The following ACAD9 variants were observed in gnomAD, a reference collection of about 807,000 sequenced individuals.
The protein encoded by ACAD9 is acyl-CoA dehydrogenase family member 9, also known as complex I assembly factor ACAD9, mitochondrial.
A neutral mutation model predicts 70.2 loss-of-function variants in ACAD9; 53 were observed. That is an observed-to-expected ratio of 0.75 (90% CI 0.61 to 0.95). ACAD9 has a LOEUF of 0.95. Ranked by LOEUF, ACAD9 falls within the 40% of genes least tolerant of loss-of-function variation. The probability of loss-of-function intolerance (pLI) is 0.00; values close to 1 mark genes in which losing one functional copy is unlikely to be tolerated. For missense variants in ACAD9, 777 were observed against 802.8 expected (o/e 0.97, Z 0.39); for synonymous variants, 313 against 312.1 (o/e 1.00, Z -0.03).
chr3:128,911,233 T>C (rs895896879), intron 17 of ACAD9, among the ~76,000 whole-genome samples: 3 of 152,048 alleles, frequency 2.0e-5, no homozygotes, highest in African/African-American at 7.3e-5. Context: ...ATTTTTTGTA[T>C]TTTTAGTAGA....
intron 13 of ACAD9, 120 bp from the exon 14 acceptor site, chr3:128,908,853 G>A: frequency 6.6e-7 from 1 of 1,525,884 alleles, no homozygotes; most frequent in Non-Finnish European, 9.0e-7. Context: ...TGTAGCCAGG[G>A]GCCCAGCATA....
At chr3:128,900,840 G>A (rs6809299) in intron 7 of ACAD9, among the ~76,000 whole-genome samples, 21,765 of 152,018 alleles carry the variant, frequency 0.14, 1,622 homozygotes, top group Middle Eastern at 0.16. Context: ...GTTAAGAATT[G>A]AGACCAGTGG....
chr3:128,911,440 CTCT>C lies in ACAD9; in HGVS notation c.1765+629_1765+631del, dbSNP rs779882236. Among the ~76,000 whole-genome samples, 25 of 152,028 alleles carry C rather than the reference CTCT, an allele frequency of 1.6e-4. 1 individual carries two copies. Among genetic ancestry groups the C allele is most frequent in the Admixed American group, 4.6e-4 (7 of 15,276 alleles). On this transcript the variant is annotated intron_variant, in intron 17 of 17. Transcript: ENST00000308982. ...TCTGCCCAGCATGCCTGGCTGTATT[CTCT>C]TTTTTTTGGAGACATAGTCTCACTT...
intron 16 of ACAD9, 30 bp from the exon 17 acceptor site, chr3:128,910,711 G>T: frequency 6.2e-7 from 1 of 1,613,140 alleles, no homozygotes; most frequent in East Asian, 2.2e-5. Context: ...AGGAATTTGG[G>T]CATATCTTTT....
chr3:128,912,471 G>A (rs776120320), intron 17 of ACAD9, 36 bp from the exon 18 acceptor site: 1 of 1,585,456 alleles, frequency 6.3e-7, no homozygotes, highest in Non-Finnish European at 8.7e-7. Context: ...TCACGGTGCA[G>A]AAAGATCACC....
intron 17 of ACAD9, among the ~76,000 whole-genome samples, chr3:128,911,045 G>A (rs1436285696): frequency 6.6e-6 from 1 of 152,164 alleles, no homozygotes; most frequent in East Asian, 1.9e-4. Flanking sequence ...ATGTGTGTGT[G>A]TGTATGTATG....
intron 4 of ACAD9, among the ~76,000 whole-genome samples, chr3:128,895,768 T>C (rs751465820): frequency 6.6e-5 from 10 of 152,224 alleles, no homozygotes; most frequent in Non-Finnish European, 1.3e-4. Flanking sequence ...CCACTCTTTA[T>C]GCAAGCCACC....
In ACAD9 at chr3:128,879,640, T is replaced by G. The variant is rs763642284; in HGVS notation, c.-52T>G. 1 of 1,602,792 alleles carries G rather than the reference T, an allele frequency of 6.2e-7. No homozygotes were observed. Among genetic ancestry groups the G allele is most frequent in the Admixed American group, 1.7e-5 (1 of 59,934 alleles). On this transcript the variant is annotated 5_prime_UTR_variant, in exon 1 of 18. Transcript: ENST00000308982. ...ACGTCATCAGACGTGTGTGTGTCCC[T>G]GCGGCGCTAAGAAGGGGAGACTGAG...
In ACAD9 at chr3:128,879,633, G is replaced by A. The variant is rs2107636680; in HGVS notation, c.-59G>A. On this transcript the variant is annotated 5_prime_UTR_variant, in exon 1 of 18. In the 5' UTR this introduces an upstream ATG that the reference lacks. Coordinates refer to ENST00000308982, the MANE Select transcript of ACAD9 (RefSeq NM_014049.5). Reference sequence around the variant, plus strand: ...GCCAGTAACGTCATCAGACGTGTGTGTGTCCCTGCGGCGCTAAGAAGGGGA... The same window carrying A: ...GCCAGTAACGTCATCAGACGTGTGTATGTCCCTGCGGCGCTAAGAAGGGGA... 1 of 1,598,826 alleles carries A rather than the reference G, an allele frequency of 6.3e-7. No individual in the cohort carries two copies.
At position 128,904,085 on chromosome 3, in the gene ACAD9, A is replaced by G; in HGVS notation, c.982A>G (p.Thr328Ala). Residue 328 changes from threonine to alanine, a missense_variant, in exon 10 of 18, where the codon ACA becomes GCA. Thr to Ala is a moderately conservative substitution (Grantham distance 58). Transcript: ENST00000308982. ...LIEMTAEYAC[T>A]RKQFNKRLSE... The stretch of plus-strand genomic sequence containing the variant: ...AGAAATGACTGCTGAGTACGCCTGC[A>G]CAAGGAAACAGTTTAACAAGAGGCT... The G allele has an allele frequency of 1.2e-6, 2 of 1,614,244 alleles. No homozygotes were observed. Among genetic ancestry groups the G allele is most frequent in the Non-Finnish European group, 1.7e-6 (2 of 1,180,038 alleles).
chr3:128,907,253 T>A (rs1267211929), intron 12 of ACAD9, among the ~76,000 whole-genome samples: 1 of 152,148 alleles, frequency 6.6e-6, no homozygotes, highest in African/African-American at 2.4e-5. Flanking sequence ...CTTTTGTTCC[T>A]GGCCTACCCA....
At chr3:128,908,085 A>G (rs887037229) in intron 12 of ACAD9, 100 bp from the exon 13 acceptor site, 17 of 1,141,862 alleles carry the variant, frequency 1.5e-5, no homozygotes, top group South Asian at 1.5e-4. Context: ...TTTTGTGGCA[A>G]TGGGCAAGCA....
intron 10 of ACAD9, 22 bp downstream of exon 10, chr3:128,904,154 AT>A (rs747694165): frequency 1.2e-6 from 2 of 1,611,758 alleles, no homozygotes. Context: ...TGAGTACTGT[AT>A]TTGTGCATTT....
At chr3:128,903,230 C>G (rs767141976) in intron 9 of ACAD9, among the ~76,000 whole-genome samples, 1 of 152,200 alleles carries the variant, frequency 6.6e-6, no homozygotes. Context: ...GCAGCACACC[C>G]CTAAGTGCTT....
At chr3:128,887,646 T>TAAATAA (rs1386267224) in intron 2 of ACAD9, among the ~76,000 whole-genome samples, 5 of 115,184 alleles carry the variant, frequency 4.3e-5, no homozygotes, top group Non-Finnish European at 7.1e-5. Flanking sequence ...AATAAATAAA[T>TAAATAA]ATATATATAT....
chr3:128,910,809 C>G lies in ACAD9; in HGVS notation c.1761C>G (p.Asp587Glu). 3 of 1,614,184 alleles carry G rather than the reference C, an allele frequency of 1.9e-6. No individual in the cohort carries two copies. Among genetic ancestry groups the G allele is most frequent in the Non-Finnish European group, 2.5e-6 (3 of 1,180,036 alleles). Residue 587 changes from aspartate (D) to glutamate (E), a missense_variant, in exon 17 of 18, where the codon GAC becomes GAG. Transcript: ENST00000308982. Reference protein sequence around the residue: ...LQNLFSLSQLDKYAPENLDEQ... With the variant: ...LQNLFSLSQLEKYAPENLDEQ... ...ATCTCTTCAGCCTCTCTCAGCTGGA[C>G]AAGTGTGAGTGGCATGTCTTGGGGG...
rs1936011664 is a variant in ACAD9, at chr3:128,908,984, A to G, written c.1370A>G (p.Gln457Arg). The change falls in exon 14 of 18, where the codon CAG becomes CGG. Residue 457 changes from glutamine (Q) to arginine (R), a missense_variant. Physicochemically the swap from Gln to Arg is conservative, Grantham distance 43 (BLOSUM62 1). Coordinates refer to ENST00000308982, the MANE Select transcript of ACAD9 (RefSeq NM_014049.5). ...ILTTRIHELK[Q>R]AKVSTVMDTV... Reference sequence around the variant, plus strand: ...TGGACTTTCTGCAGTGAGCTTAAACAGGCCAAAGTGAGCACAGTCATGGAT... The same window carrying G: ...TGGACTTTCTGCAGTGAGCTTAAACGGGCCAAAGTGAGCACAGTCATGGAT... 1.2e-5 allele frequency: 20 copies of G among 1,614,148 alleles called. No homozygotes were observed. The highest frequency in any genetic ancestry group is 1.7e-5 in the Non-Finnish European group (20 of 1,180,024).
Position 128,895,339 on chromosome 3 carries a change from T to G in ACAD9, c.376T>G (p.Ser126Ala). ...GGLGFSNTMY[S>A]RLGEIISMDG... ...CCTGGGCTTCTCCAACACCATGTAC[T>G]CAAGACTAGGGGAGATCATCAGCAT... The change falls in exon 4 of 18, where the codon TCA becomes GCA. Residue 126 changes from serine to alanine, a missense_variant. Ser to Ala is a moderately conservative substitution (Grantham distance 99). Transcript: ENST00000308982. 1 of 1,612,822 alleles carries G rather than the reference T, an allele frequency of 6.2e-7. No homozygotes were observed. The highest frequency in any genetic ancestry group is 8.5e-7 in the Non-Finnish European group (1 of 1,179,518).
rs558164082 is a variant in ACAD9 at position 128,910,157 on chromosome 3, C to G, written c.1692+8C>G. On this transcript the variant is annotated splice_region_variant and intron_variant, in intron 16 of 17. Coordinates refer to ENST00000308982, the MANE Select transcript of ACAD9 (RefSeq NM_014049.5). ...CGCAACCACGACCACGAGGTGAGCC[C>G]AGCCCAGCCTCACACAGGGCCTGGC... 25 of 1,613,814 alleles carry G rather than the reference C, an allele frequency of 1.5e-5. No individual in the cohort carries two copies. The highest frequency in any genetic ancestry group is 4.5e-5 in the East Asian group (2 of 44,900).
Sources: allele counts gnomAD v4.1 joint callset (sites outside exome capture counted in the v4.1 genomes callset), GRCh38; gene constraint gnomAD v4.1.1; transcripts MANE v1.5; gene names NCBI Gene and HGNC (gene_info 2026-07-23, HGNC 2026-07-21).